The following TENM2 variants were observed in gnomAD, a reference collection of about 807,000 sequenced individuals.
TENM2 encodes teneurin-2.
In TENM2, 52 loss-of-function variants were observed where a neutral mutation model predicts 245.2. The observed-to-expected ratio is 0.21, with a 90% confidence interval of 0.17 to 0.27. TENM2 has a LOEUF of 0.27. TENM2 is among the 10% of genes least tolerant of loss of function. The probability of loss-of-function intolerance (pLI) is 1.00; values close to 1 mark genes in which losing one functional copy is unlikely to be tolerated. For synonymous variants in TENM2, 1,363 were observed against 1,438.9 expected (o/e 0.95, Z 1.19); for missense variants, 3,046 against 3,666.8 (o/e 0.83, Z 4.37).
At chr5:167,569,882 T>C (rs1160568177) in intron 2 of TENM2, among the ~76,000 whole-genome samples, 6 of 152,116 alleles carry the variant, frequency 3.9e-5, no homozygotes, top group Non-Finnish European at 2.9e-5. Flanking sequence ...GGGTGGGAAT[T>C]TGGACTTAGG....
chr5:167,988,290 C>T (rs747195925), intron 4 of TENM2, among the ~76,000 whole-genome samples: 1 of 152,156 alleles, frequency 6.6e-6, no homozygotes, highest in African/African-American at 2.4e-5. Context: ...TATTTAACAA[C>T]GATTTGTTGA....
intron 7 of TENM2, among the ~76,000 whole-genome samples, chr5:168,070,392 A>G (rs569161456): frequency 1.3e-5 from 2 of 152,294 alleles, no homozygotes; most frequent in East Asian, 3.9e-4. Flanking sequence ...CCTCTTACGA[A>G]TTCCAGTGAT....
chr5:168,151,629 G>T (rs1389546064), intron 12 of TENM2, among the ~76,000 whole-genome samples: 1 of 152,256 alleles, frequency 6.6e-6, no homozygotes, highest in East Asian at 1.9e-4. Context: ...GCAGCCAAAG[G>T]GTGAAGCCAA....
At chr5:167,665,136 C>G (rs73801322) in intron 2 of TENM2, among the ~76,000 whole-genome samples, 5,105 of 152,226 alleles carry the variant, frequency 0.034, 287 homozygotes, top group African/African-American at 0.12. Context: ...TGACCTTGGG[C>G]AGAATCTTTT....
At chr5:167,977,834 TG>T (rs1028278835) in intron 4 of TENM2, among the ~76,000 whole-genome samples, 1 of 152,202 alleles carries the variant, frequency 6.6e-6, no homozygotes, top group African/African-American at 2.4e-5. Flanking sequence ...ATTATGTAGT[TG>T]GGATGTTTGT....
chr5:167,892,831 AAC>A (rs1237682453), intron 3 of TENM2, among the ~76,000 whole-genome samples: 2 of 152,328 alleles, frequency 1.3e-5, no homozygotes, highest in East Asian at 3.9e-4. Flanking sequence ...CACCATTTAT[AAC>A]ACAGAGATAA....
chr5:167,654,379 G>C (rs1400460852), intron 2 of TENM2, among the ~76,000 whole-genome samples: 2 of 152,156 alleles, frequency 1.3e-5, no homozygotes, highest in Non-Finnish European at 2.9e-5. Context: ...CAGGTGCCAA[G>C]TCTGCACTTA....
chr5:167,268,911 TAGATAGATAGATAGATAGAC>T, the TENM2 span, among the ~76,000 whole-genome samples: 1 of 151,360 alleles, frequency 6.6e-6, no homozygotes, highest in Non-Finnish European at 1.5e-5. Context: ...GATAGATAGA[TAGATAGATAGATAGATAGAC>T]AGACATTTTT....
At chr5:167,308,524 TC>T (rs1307565502) in intron 1 of TENM2, among the ~76,000 whole-genome samples, 5 of 152,202 alleles carry the variant, frequency 3.3e-5, no homozygotes, top group Non-Finnish European at 5.9e-5. Flanking sequence ...GACAGGGACC[TC>T]CTGTGAGATG....
chr5:167,013,466 A>AT, the TENM2 span, among the ~76,000 whole-genome samples: 43 of 151,238 alleles, frequency 2.8e-4, no homozygotes, highest in South Asian at 4.2e-4. Context: ...AACAGAAGCC[A>AT]TTTTTTTTTC....
chr5:167,131,886 G>T, the TENM2 span, among the ~76,000 whole-genome samples: 154 of 152,130 alleles, frequency 1.0e-3, 2 homozygotes, highest in African/African-American at 3.7e-3. Flanking sequence ...GCAATGGTGC[G>T]ATCTCAGCTC....
At chr5:167,559,368 T>A (rs190674641) in intron 2 of TENM2, among the ~76,000 whole-genome samples, 1 of 152,306 alleles carries the variant, frequency 6.6e-6, no homozygotes, top group Admixed American at 6.5e-5. Context: ...CAAATCCAGA[T>A]GTCACAAAAC....
chr5:167,886,713 T>C (rs951322543), intron 3 of TENM2, among the ~76,000 whole-genome samples: 2 of 152,220 alleles, frequency 1.3e-5, no homozygotes, highest in African/African-American at 4.8e-5. Flanking sequence ...CTTTAAACCA[T>C]GTGCACTTTT....
chr5:167,155,836 G>A, the TENM2 span, among the ~76,000 whole-genome samples: 1 of 152,192 alleles, frequency 6.6e-6, no homozygotes, highest in East Asian at 1.9e-4. Flanking sequence ...GCACATGTGC[G>A]GTCACGCAGC....
intron 2 of TENM2, among the ~76,000 whole-genome samples, chr5:167,380,626 T>A (rs1761044107): frequency 6.6e-6 from 1 of 152,124 alleles, no homozygotes; most frequent in African/African-American, 2.4e-5. Context: ...ATAAATACAA[T>A]AAATAAAATG....
chr5:167,079,937 G>A, the TENM2 span, among the ~76,000 whole-genome samples: 2 of 152,136 alleles, frequency 1.3e-5, no homozygotes, highest in African/African-American at 4.8e-5. Context: ...CCAGCAGTGG[G>A]CCTTCTACAA....
At chr5:167,809,250 A>G (rs894373203) in intron 2 of TENM2, among the ~76,000 whole-genome samples, 1 of 152,294 alleles carries the variant, frequency 6.6e-6, no homozygotes, top group East Asian at 1.9e-4. Context: ...CCCCTTTTAC[A>G]TCATTAAATG....
intron 2 of TENM2, among the ~76,000 whole-genome samples, chr5:167,786,820 A>G (rs1764610699): frequency 6.6e-6 from 1 of 152,220 alleles, no homozygotes; most frequent in African/African-American, 2.4e-5. Context: ...GTTGGGCCAC[A>G]TCTCAGAGCT....
At chr5:167,261,422 T>G in the TENM2 span, among the ~76,000 whole-genome samples, 1 of 152,140 alleles carries the variant, frequency 6.6e-6, no homozygotes, top group Non-Finnish European at 1.5e-5. Flanking sequence ...ATCATGCACA[T>G]AAAACTTTTA....
Sources: gnomAD v4.1 joint callset for allele counts (sites outside exome capture counted in the v4.1 genomes callset) on GRCh38, gnomAD v4.1.1 for gene constraint, MANE v1.5 for transcripts, NCBI Gene and HGNC (gene_info 2026-07-23, HGNC 2026-07-21) for gene names.